The following NKAIN3 variants were observed in gnomAD, a reference collection of about 807,000 sequenced individuals.
NKAIN3 encodes sodium/potassium-transporting ATPase subunit beta-1-interacting protein 3.
Under a neutral mutation model 30.2 loss-of-function variants are expected in NKAIN3, and 25 were observed. The ratio of observed to expected loss-of-function variants is 0.83; its 90% CI spans 0.60 to 1.16. NKAIN3 has a LOEUF of 1.16. Among genes scored for constraint, NKAIN3 ranks in the 50% most tolerant of loss-of-function variants. The pLI is 0.00. For synonymous variants in NKAIN3, 91 were observed against 89.6 expected (o/e 1.02, Z -0.09); for missense variants, 225 against 254.1 (o/e 0.89, Z 0.78).
At chr8:62,824,496 AC>A (rs1818958079) in intron 4 of NKAIN3, among the ~76,000 whole-genome samples, 6 of 3,130 alleles carry the variant, frequency 1.9e-3, no homozygotes, top group East Asian at 0.012. Context: ...TCTTCAACAC[AC>A]ACACACACAC....
At chr8:62,808,989 G>T (rs1168925919) in intron 4 of NKAIN3, among the ~76,000 whole-genome samples, 1 of 152,092 alleles carries the variant, frequency 6.6e-6, no homozygotes, top group Non-Finnish European at 1.5e-5. Context: ...TCCCAGAGTG[G>T]CCATTTTAGA....
At chr8:62,513,549 G>A (rs190065107) in intron 1 of NKAIN3, among the ~76,000 whole-genome samples, 4 of 152,140 alleles carry the variant, frequency 2.6e-5, no homozygotes, top group Non-Finnish European at 5.9e-5. Flanking sequence ...AGGTAGAGAA[G>A]ATAGACAAAC....
intron 1 of NKAIN3, among the ~76,000 whole-genome samples, chr8:62,432,351 TG>T (rs1317742358): frequency 1.3e-5 from 2 of 152,154 alleles, no homozygotes; most frequent in African/African-American, 4.8e-5. Flanking sequence ...CTTCAAGAAA[TG>T]AGGATGCATC....
Position 62,813,252 on chromosome 8 carries a change from TG to T in NKAIN3, c.471+66124del, listed in dbSNP as rs1370746092. The stretch of plus-strand genomic sequence containing the variant: ...CATGTGACTTTGGTTATTATAGCTT[TG>T]TAGTATATTTTGAACTCTGTTAATA... On this transcript the variant is annotated intron_variant, in intron 4 of 6. Transcript: ENST00000623646. 4.6e-5 allele frequency among the ~76,000 whole-genome samples: 7 copies of T among 152,130 alleles called. No individual in the cohort carries two copies. The South Asian group carries it at 1.0e-3, about 22-fold the overall frequency.
intron 4 of NKAIN3, among the ~76,000 whole-genome samples, chr8:62,803,529 A>T (rs532313754): frequency 2.0e-5 from 3 of 152,326 alleles, no homozygotes; most frequent in Non-Finnish European, 1.5e-5. Flanking sequence ...GTACATAAAG[A>T]AATGAAGGCA....
intron 3 of NKAIN3, among the ~76,000 whole-genome samples, chr8:62,653,638 G>A (rs1020452263): frequency 3.3e-5 from 5 of 152,134 alleles, no homozygotes; most frequent in Non-Finnish European, 2.9e-5. Flanking sequence ...GGAACAAGGA[G>A]GATGCAATTA....
At chr8:62,772,646 T>C (rs1225820309) in intron 4 of NKAIN3, among the ~76,000 whole-genome samples, 1 of 151,532 alleles carries the variant, frequency 6.6e-6, no homozygotes, top group African/African-American at 2.4e-5. Flanking sequence ...GAAATGTCTG[T>C]TCATATCTTT....
chr8:62,884,746 G>C (rs904365268), intron 4 of NKAIN3, among the ~76,000 whole-genome samples: 1 of 151,990 alleles, frequency 6.6e-6, no homozygotes, highest in Non-Finnish European at 1.5e-5. Flanking sequence ...AATTGATCTG[G>C]TTTATCTAGG....
intron 4 of NKAIN3, among the ~76,000 whole-genome samples, chr8:62,899,620 G>A (rs976991000): frequency 6.6e-6 from 1 of 152,006 alleles, no homozygotes; most frequent in African/African-American, 2.4e-5. Flanking sequence ...AGCTGGGGAT[G>A]GTTAATAGGT....
intron 3 of NKAIN3, among the ~76,000 whole-genome samples, chr8:62,623,924 G>C (rs920168514): frequency 7.2e-5 from 11 of 152,060 alleles, no homozygotes; most frequent in African/African-American, 2.7e-4. Flanking sequence ...CTTATTTCTT[G>C]AGTATATTCT....
chr8:62,402,094 C>A (rs897056527), intron 1 of NKAIN3, among the ~76,000 whole-genome samples: 2 of 152,208 alleles, frequency 1.3e-5, no homozygotes, highest in African/African-American at 4.8e-5. Context: ...CAACCTGGTG[C>A]TCTTTTTTTA....
At chr8:62,707,054 C>T (rs1178035580) in intron 3 of NKAIN3, among the ~76,000 whole-genome samples, 13 of 82,584 alleles carry the variant, frequency 1.6e-4, no homozygotes, top group African/African-American at 4.2e-4. Context: ...ATCATACATA[C>T]ATACACACAC....
At chr8:62,936,476 T>G (rs897444602) in intron 5 of NKAIN3, among the ~76,000 whole-genome samples, 1 of 152,110 alleles carries the variant, frequency 6.6e-6, no homozygotes, top group African/African-American at 2.4e-5. Flanking sequence ...CACAAATGTC[T>G]ATATAACCAA....
At position 62,944,502 on chromosome 8, in the gene NKAIN3, T is replaced by A. The variant is rs545603865; in HGVS notation, c.533-9400T>A. ...GCTCCACAGATCAATTGGTAGTTTA[T>A]AATATTGAGTTTCACAATCCATTAA... On this transcript the variant is annotated intron_variant, in intron 5 of 6. Coordinates refer to ENST00000623646, the MANE Select transcript of NKAIN3 (RefSeq NM_001304533.3). 7.2e-5 allele frequency among the ~76,000 whole-genome samples: 11 copies of A among 152,330 alleles called. No individual in the cohort carries two copies. In the South Asian group the frequency reaches 1.0e-3, roughly 14 times the overall value.
intron 4 of NKAIN3, among the ~76,000 whole-genome samples, chr8:62,846,714 C>T (rs72653293): frequency 0.11 from 16,518 of 152,024 alleles, 942 homozygotes; most frequent in African/African-American, 0.15. Context: ...CCACATCTTC[C>T]TTATTTAGTC....
chr8:62,730,976 A>T (rs7009434), intron 3 of NKAIN3, among the ~76,000 whole-genome samples: 116,430 of 152,034 alleles, frequency 0.77, 45,954 homozygotes, highest in Non-Finnish European at 0.87. Context: ...ACTTTGGGCA[A>T]TGATAGAGCC....
intron 1 of NKAIN3, among the ~76,000 whole-genome samples, chr8:62,349,694 C>A: frequency 6.6e-6 from 1 of 152,076 alleles, no homozygotes. Context: ...AGTAGCTAGG[C>A]TATTAAAGTC....
At chr8:62,428,608 A>G (rs992873265) in intron 1 of NKAIN3, among the ~76,000 whole-genome samples, 3 of 151,978 alleles carry the variant, frequency 2.0e-5, no homozygotes, top group African/African-American at 7.2e-5. Context: ...AGTGATGTTG[A>G]GCATTTTTTC....
At chr8:62,399,858 G>A (rs188578444) in intron 1 of NKAIN3, among the ~76,000 whole-genome samples, 77 of 152,296 alleles carry the variant, frequency 5.1e-4, no homozygotes, top group Non-Finnish European at 1.0e-3. Context: ...CTTGAAGTAA[G>A]GAGGAAACAT....
Sources: allele counts gnomAD v4.1 joint callset (sites outside exome capture counted in the v4.1 genomes callset), GRCh38; gene constraint gnomAD v4.1.1; transcripts MANE v1.5; gene names NCBI Gene and HGNC (gene_info 2026-07-23, HGNC 2026-07-21).